Variants in TOX observed in about 807,000 individuals in gnomAD.
TOX encodes thymocyte selection associated high mobility group box.
A neutral mutation model predicts 53.7 loss-of-function variants in TOX; 11 were observed. That is an observed-to-expected ratio of 0.20 (90% CI 0.13 to 0.34). TOX has a LOEUF of 0.34. Ranked by LOEUF, TOX falls within the 10% of genes least tolerant of loss-of-function variation. The pLI is 1.00. For missense variants in TOX, 570 were observed against 664.6 expected, an observed-to-expected ratio of 0.86 and a Z score of 1.56; for synonymous variants, 225 against 245.3, an observed-to-expected ratio of 0.92 and a Z score of 0.77.
rs550061756 is a variant in TOX, at chr8:58,957,515, C to T, written c.168+2428G>A. On this transcript the variant is annotated intron_variant, in intron 2 of 8. Coordinates refer to ENST00000361421, the MANE Select transcript of TOX (RefSeq NM_014729.3). The stretch of plus-strand genomic sequence containing the variant: ...GTGCCAAAGAGCCCTTTGGGACTGT[C>T]TAAAAGAATATCATTAATTTTTACA... 1.6e-4 allele frequency among the ~76,000 whole-genome samples: 24 copies of T among 152,312 alleles called. No homozygotes were observed. In the South Asian group the frequency reaches 5.0e-3, roughly 32 times the overall value.
intron 1 of TOX, among the ~76,000 whole-genome samples, chr8:59,100,456 T>C (rs956445515): frequency 6.6e-6 from 1 of 152,170 alleles, no homozygotes; most frequent in African/African-American, 2.4e-5. Flanking sequence ...GTAAATGGTG[T>C]ATGGAAAAGG....
chr8:59,051,274 G>T (rs1399507564), intron 1 of TOX, among the ~76,000 whole-genome samples: 2 of 152,108 alleles, frequency 1.3e-5, no homozygotes, highest in Non-Finnish European at 2.9e-5. Context: ...TTTACTTACT[G>T]TGTAGGTAAA....
At chr8:58,890,076 T>G (rs1431303815) in intron 3 of TOX, among the ~76,000 whole-genome samples, 1 of 152,190 alleles carries the variant, frequency 6.6e-6, no homozygotes, top group South Asian at 2.1e-4. Flanking sequence ...ATTTGCACAT[T>G]TCACAAAATA....
chr8:59,008,055 C>T lies in TOX; in HGVS notation c.103-48047G>A, dbSNP rs77016920. ...GTTTTGACATTCAAAATGAACTATG[C>T]TACACATTCTTTTCATTTTTGTAGA... is the stretch of plus-strand genomic sequence containing the variant. On this transcript the variant is annotated intron_variant, in intron 1 of 8. Coordinates refer to ENST00000361421, the MANE Select transcript of TOX (RefSeq NM_014729.3). 3.7e-3 allele frequency among the ~76,000 whole-genome samples: 556 copies of T among 152,318 alleles called. 23 individuals carry two copies. The East Asian group carries it at 0.095, about 26-fold the overall frequency.
At chr8:58,995,826 A>T (rs1043525721) in intron 1 of TOX, among the ~76,000 whole-genome samples, 1 of 152,234 alleles carries the variant, frequency 6.6e-6, no homozygotes, top group African/African-American at 2.4e-5. Context: ...ACCAACAGGT[A>T]AAATATCATT....
At chr8:58,928,989 C>T (rs183532652) in intron 3 of TOX, among the ~76,000 whole-genome samples, 6 of 152,170 alleles carry the variant, frequency 3.9e-5, no homozygotes, top group Admixed American at 3.9e-4. Flanking sequence ...GAAAACAAAA[C>T]TCCCTAAAGG....
intron 1 of TOX, among the ~76,000 whole-genome samples, chr8:58,969,028 T>C (rs566486209): frequency 5.9e-5 from 9 of 152,320 alleles, no homozygotes; most frequent in Non-Finnish European, 8.8e-5. Context: ...GTTATTAAGA[T>C]GGAGATTCTC....
chr8:58,807,924 A>T, intron 8 of TOX, 141 bp from the exon 9 acceptor site: 1 of 1,261,910 alleles, frequency 7.9e-7, no homozygotes, highest in Non-Finnish European at 1.1e-6. Flanking sequence ...CCTACATCTG[A>T]AGTGAGAAGT....
intron 3 of TOX, among the ~76,000 whole-genome samples, chr8:58,913,234 T>A (rs1811935393): frequency 6.6e-6 from 1 of 152,194 alleles, no homozygotes; most frequent in South Asian, 2.1e-4. Flanking sequence ...GAGGATCACT[T>A]GAGGCCAGGA....
At chr8:59,010,257 T>A (rs1813878110) in intron 1 of TOX, among the ~76,000 whole-genome samples, 1 of 152,330 alleles carries the variant, frequency 6.6e-6, no homozygotes, top group Admixed American at 6.5e-5. Context: ...TATTAAATGA[T>A]ACAGTGTGAG....
chr8:58,859,914 C>A (rs771822596), intron 3 of TOX, among the ~76,000 whole-genome samples: 1 of 152,178 alleles, frequency 6.6e-6, no homozygotes, highest in Non-Finnish European at 1.5e-5. Context: ...TGAAGAGCAG[C>A]AAGCAACAGA....
intron 3 of TOX, among the ~76,000 whole-genome samples, chr8:58,892,269 C>T (rs1487991329): frequency 6.6e-6 from 1 of 151,786 alleles, no homozygotes; most frequent in East Asian, 1.9e-4. Flanking sequence ...CCAGGATGTA[C>T]AAAGTTTTAA....
chr8:59,070,506 A>AAAACACACAC (rs1804176467), intron 1 of TOX, among the ~76,000 whole-genome samples: 1 of 140,112 alleles, frequency 7.1e-6, no homozygotes, highest in Non-Finnish European at 1.5e-5. Context: ...TGTCAAGGAA[A>AAAACACACAC]ACACACACAC....
chr8:58,872,668 T>C (rs992108728), intron 3 of TOX, among the ~76,000 whole-genome samples: 2 of 152,152 alleles, frequency 1.3e-5, no homozygotes, highest in African/African-American at 2.4e-5. Flanking sequence ...ATCGGACACA[T>C]GCCAATTGAG....
chr8:59,010,245 A>T (rs61476248), intron 1 of TOX, among the ~76,000 whole-genome samples: 1,758 of 152,332 alleles, frequency 0.012, 43 homozygotes, highest in African/African-American at 0.04. Context: ...GATCACTGCA[A>T]ATATTAAATG....
chr8:59,002,184 G>A (rs1312655627), intron 1 of TOX, among the ~76,000 whole-genome samples: 8 of 151,224 alleles, frequency 5.3e-5, no homozygotes, highest in Admixed American at 5.3e-4. Flanking sequence ...ATGTTGGTAA[G>A]GCTGGTTTTA....
chr8:59,085,979 C>CTTTTTTTTTTTTTTTTTTTTTTTTTTTTT (rs35593177), intron 1 of TOX, among the ~76,000 whole-genome samples: 1 of 88,822 alleles, frequency 1.1e-5, no homozygotes, highest in Non-Finnish European at 2.2e-5. Context: ...CTTTTCTTTT[C>CTTTTTTTTTTTTTTTTTTTTTTTTTTTTT]TTTTTTTTTT....
At chr8:58,973,107 T>C (rs1813030342) in intron 1 of TOX, among the ~76,000 whole-genome samples, 1 of 152,220 alleles carries the variant, frequency 6.6e-6, no homozygotes, top group Non-Finnish European at 1.5e-5. Context: ...AGCAGAACAA[T>C]GTTGCCTTTT....
chr8:58,981,546 C>T (rs1470352515), intron 1 of TOX, among the ~76,000 whole-genome samples: 5 of 152,114 alleles, frequency 3.3e-5, no homozygotes, highest in Admixed American at 3.3e-4. Flanking sequence ...TTCCACTATA[C>T]AATAATGTTT....
Sources: allele counts gnomAD v4.1 joint callset (sites outside exome capture counted in the v4.1 genomes callset), GRCh38; gene constraint gnomAD v4.1.1; transcripts MANE v1.5; gene names NCBI Gene and HGNC (gene_info 2026-07-23, HGNC 2026-07-21).